Variants in SPATS2L observed in about 807,000 individuals in gnomAD.
The protein encoded by SPATS2L is SPATS2-like protein.
In SPATS2L, 30 loss-of-function variants were observed where a neutral mutation model predicts 59.6. That is an observed-to-expected ratio of 0.50 (90% confidence interval 0.38 to 0.68). SPATS2L has a LOEUF of 0.68. SPATS2L is among the 30% of genes least tolerant of loss of function. The probability of loss-of-function intolerance (pLI) is 0.00; values close to 1 mark genes in which losing one functional copy is unlikely to be tolerated. For synonymous variants in SPATS2L, 252 were observed against 263.5 expected (o/e 0.96, Z 0.42); for missense variants, 615 against 700.0 (o/e 0.88, Z 1.37).
At chr2:200,307,561 C>G (rs1190344178) in intron 1 of SPATS2L, among the ~76,000 whole-genome samples, 1 of 152,172 alleles carries the variant, frequency 6.6e-6, no homozygotes, top group Non-Finnish European at 1.5e-5. Context: ...GCGGTCGCGC[C>G]GCCGCATTTG....
intron 8 of SPATS2L, among the ~76,000 whole-genome samples, chr2:200,442,045 T>C (rs1420890517): frequency 6.6e-6 from 1 of 152,124 alleles, no homozygotes; most frequent in African/African-American, 2.4e-5. Context: ...CCTTCAGTTA[T>C]CATTCAGCCT....
chr2:200,404,029 C>T (rs775072454), intron 3 of SPATS2L, among the ~76,000 whole-genome samples: 15 of 152,186 alleles, frequency 9.9e-5, no homozygotes, highest in Non-Finnish European at 1.9e-4. Context: ...CTTAGAAAAA[C>T]AGAAGAACCT....
intron 6 of SPATS2L, among the ~76,000 whole-genome samples, chr2:200,434,805 T>C (rs1395942866): frequency 6.6e-6 from 1 of 152,130 alleles, no homozygotes; most frequent in Non-Finnish European, 1.5e-5. Flanking sequence ...ACAAGTCCAA[T>C]GAAAATCTCA....
At chr2:200,364,337 A>T (rs976176775) in intron 2 of SPATS2L, among the ~76,000 whole-genome samples, 2 of 152,154 alleles carry the variant, frequency 1.3e-5, no homozygotes, top group East Asian at 1.9e-4. Flanking sequence ...GAGCTGTGTC[A>T]CCGGTTTGTT....
chr2:200,464,839 C>G (rs148628279), intron 9 of SPATS2L, among the ~76,000 whole-genome samples: 1 of 152,214 alleles, frequency 6.6e-6, no homozygotes, highest in African/African-American at 2.4e-5. Flanking sequence ...CATCTTCCTA[C>G]TTGAATTGTT....
intron 2 of SPATS2L, among the ~76,000 whole-genome samples, chr2:200,377,574 A>G (rs2105903149): frequency 6.6e-6 from 1 of 152,306 alleles, no homozygotes; most frequent in Admixed American, 6.5e-5. Context: ...ATGTGTGTGT[A>G]GATGGAGCAG....
chr2:200,311,399 A>C (rs1016095076), intron 1 of SPATS2L, among the ~76,000 whole-genome samples: 8 of 152,154 alleles, frequency 5.3e-5, no homozygotes, highest in African/African-American at 1.4e-4. Flanking sequence ...TGTGAGTTGG[A>C]ATTAAGAAGC....
chr2:200,421,289 A>G (rs2083297984), intron 6 of SPATS2L, among the ~76,000 whole-genome samples: 1 of 152,150 alleles, frequency 6.6e-6, no homozygotes, highest in South Asian at 2.1e-4. Context: ...TGAGGTGGTA[A>G]AAAGGATTTG....
chr2:200,426,546 T>C (rs993970980), intron 6 of SPATS2L, among the ~76,000 whole-genome samples: 2 of 151,860 alleles, frequency 1.3e-5, no homozygotes, highest in African/African-American at 4.8e-5. Context: ...CTGGGCAACA[T>C]TGTGAGAGTT....
At chr2:200,361,443 T>C (rs563201704) in intron 2 of SPATS2L, among the ~76,000 whole-genome samples, 1 of 152,236 alleles carries the variant, frequency 6.6e-6, no homozygotes, top group Admixed American at 6.5e-5. Flanking sequence ...TTCTAGAAAA[T>C]TAAAATCTAT....
At chr2:200,396,095 A>C (rs2082345209) in intron 3 of SPATS2L, among the ~76,000 whole-genome samples, 1 of 139,872 alleles carries the variant, frequency 7.1e-6, no homozygotes, top group East Asian at 2.1e-4. Context: ...ATTGGAAAGA[A>C]AAAGTAAAAA....
Position 200,477,717 on chromosome 2 carries a change from A to G in SPATS2L, c.1363A>G (p.Ser455Gly). The change falls in exon 13 of 13, where the codon AGT becomes GGT. Residue 455 changes from serine (S) to glycine (G), a missense_variant. Physicochemically the swap from Ser to Gly is moderately conservative, Grantham distance 56. This residue lies in a region of SPATS2L where 284 missense variants were observed against 280.1 expected (regional missense o/e 1.01). Transcript: ENST00000409140. ...AAATGGGCCTGCCAAGTCGCAGGGC[A>G]GTGGGAATGAAGCCGAGCCACTGGG... is the stretch of plus-strand genomic sequence containing the variant. ...RLNGPAKSQG[S>G]GNEAEPLGKG... 6.4e-7 allele frequency: 1 copy of G among 1,565,448 alleles called. No homozygotes were observed. Among genetic ancestry groups the G allele is most frequent in the South Asian group, 1.2e-5 (1 of 85,092 alleles).
Position 200,364,463 on chromosome 2 carries a change from G to A in SPATS2L, c.-22-24760G>A, listed in dbSNP as rs531484308. On this transcript the variant is annotated intron_variant, in intron 2 of 12. Transcript: ENST00000409140. The stretch of plus-strand genomic sequence containing the variant: ...ATTTCCCACTGAGTGCCCTGTTCCC[G>A]TGTTTAGGTTGCCGATGGACTTCTT... Among the ~76,000 whole-genome samples, 216 of 152,254 alleles carry A rather than the reference G, an allele frequency of 1.4e-3. No individual in the cohort carries two copies. The Middle Eastern group carries it at 0.017, about 12-fold the overall frequency.
chr2:200,361,695 C>T (rs539004733), intron 2 of SPATS2L, among the ~76,000 whole-genome samples: 1 of 152,274 alleles, frequency 6.6e-6, no homozygotes, highest in South Asian at 2.1e-4. Flanking sequence ...CATCATGCAC[C>T]TGTTTGTATG....
intron 10 of SPATS2L, among the ~76,000 whole-genome samples, chr2:200,469,530 A>G (rs1408540513): frequency 6.6e-6 from 1 of 152,016 alleles, no homozygotes; most frequent in African/African-American, 2.4e-5. Context: ...GGGTCTAGGA[A>G]GGACGACATG....
At chr2:200,477,234 GC>G (rs762669287) in intron 12 of SPATS2L, among the ~76,000 whole-genome samples, 52 of 152,140 alleles carry the variant, frequency 3.4e-4, no homozygotes, top group Non-Finnish European at 1.5e-4. Context: ...CAATTTCTGT[GC>G]CTCCTGTCCC....
At chr2:200,379,804 G>C (rs761468222) in intron 2 of SPATS2L, among the ~76,000 whole-genome samples, 9 of 152,020 alleles carry the variant, frequency 5.9e-5, no homozygotes, top group Admixed American at 2.6e-4. Context: ...CATAACGTTG[G>C]CCACTTCACC....
intron 8 of SPATS2L, among the ~76,000 whole-genome samples, chr2:200,444,342 T>A (rs938593570): frequency 6.6e-6 from 1 of 152,224 alleles, no homozygotes; most frequent in Non-Finnish European, 1.5e-5. Flanking sequence ...GGAAGGAGAA[T>A]AATACTTGAT....
At chr2:200,439,765 A>G (rs1435172367) in intron 7 of SPATS2L, among the ~76,000 whole-genome samples, 1 of 152,240 alleles carries the variant, frequency 6.6e-6, no homozygotes, top group Non-Finnish European at 1.5e-5. Flanking sequence ...GGTCTTCCCA[A>G]TGTAAATTCA....
Sources: gnomAD v4.1 joint callset for allele counts (sites outside exome capture counted in the v4.1 genomes callset) on GRCh38, gnomAD v4.1.1 for gene constraint, gnomAD v4.1.1 regional missense constraint, MANE v1.5 for transcripts, NCBI Gene and HGNC (gene_info 2026-07-23, HGNC 2026-07-21) for gene names.